The following YIF1A variants were observed in gnomAD, a reference collection of about 807,000 sequenced individuals.
YIF1A encodes protein YIF1A.
In YIF1A, 28 loss-of-function variants were observed where a neutral mutation model predicts 32.6. The ratio of observed to expected loss-of-function variants is 0.86; its 90% CI spans 0.64 to 1.18. The LOEUF (loss-of-function observed/expected upper bound fraction) is 1.18. YIF1A is among the 50% of genes most tolerant of loss of function. The pLI, the probability that YIF1A is intolerant of heterozygous loss-of-function variation, is 0.00. For missense variants in YIF1A, 373 were observed against 390.8 expected (o/e 0.95, Z 0.38); for synonymous variants, 175 against 162.2 (o/e 1.08, Z -0.60).
intron 4 of YIF1A, among the ~76,000 whole-genome samples, chr11:66,286,000 G>C (rs1235840509): frequency 6.6e-6 from 1 of 152,216 alleles, no homozygotes; most frequent in Admixed American, 6.5e-5. Flanking sequence ...CTGTCCCTGT[G>C]CTGGGAAGCT....
In YIF1A at chr11:66,288,952, C is replaced by T. The variant is rs1450741648; in HGVS notation, c.31+3G>A. 1 of 1,543,580 alleles carries T rather than the reference C, an allele frequency of 6.5e-7. No individual in the cohort carries two copies. Among genetic ancestry groups the T allele is most frequent in the Non-Finnish European group, 8.7e-7 (1 of 1,154,392 alleles). ...CGCCGCGCCCCGCCCGCGCCCCACG[C>T]ACCGTGGGCTCCGTAGCCCGAGTGA... On this transcript the variant is annotated splice_donor_region_variant and intron_variant, in intron 1 of 7. Transcript: ENST00000376901.
intron 1 of YIF1A, 94 bp downstream of exon 1, chr11:66,288,861 G>T: frequency 7.4e-7 from 1 of 1,353,412 alleles, no homozygotes; most frequent in Non-Finnish European, 9.6e-7. Context: ...GCCCTGGGCG[G>T]CGGTCCCAGT....
At position 66,288,169 on chromosome 11, in the gene YIF1A, T is replaced by C. The variant is rs201351072; in HGVS notation, c.155A>G (p.Asn52Ser). The C allele has an allele frequency of 5.5e-5, 88 of 1,614,132 alleles. No homozygotes were observed. Among genetic ancestry groups the C allele is most frequent in the African/African-American group, 9.3e-5 (7 of 75,060 alleles). ...ATGADVAFSV[N>S]HLLGDPMANV... ...GGCCATTGGGTCCCCAAGCAAGTGG[T>C]TGACACTGAAGGCCACGTCTGCTCC... The change falls in exon 2 of 8, where the codon AAC (asparagine) becomes AGC (serine). Residue 52 changes from asparagine to serine, a missense_variant. Coordinates refer to ENST00000376901, the MANE Select transcript of YIF1A (RefSeq NM_020470.3).
chr11:66,287,833 C>G lies in YIF1A; in HGVS notation c.327G>C (p.Leu109=), dbSNP rs148750279. ...TAYVAKKLGL[L]VFPYTHQNWE... Reference sequence around the variant, plus strand: ...TCACCTGGTGTGTGTAGGGGAAGACCAGCAGCCCTAGCTTCTTGGCCACGT... The same window carrying G: ...TCACCTGGTGTGTGTAGGGGAAGACGAGCAGCCCTAGCTTCTTGGCCACGT... Residue 109 remains leucine, a synonymous_variant, in exon 3 of 8, where the codon CTG becomes CTC. Coordinates refer to ENST00000376901, the MANE Select transcript of YIF1A (RefSeq NM_020470.3). 6.2e-7 allele frequency: 1 copy of G among 1,614,008 alleles called. No individual in the cohort carries two copies. The highest frequency in any genetic ancestry group is 1.3e-5 in the African/African-American group (1 of 75,010).
chr11:66,287,926 G>A lies in YIF1A; in HGVS notation c.244-10C>T. The A allele has an allele frequency of 6.2e-7, 1 of 1,612,350 alleles. No individual in the cohort carries two copies. The highest frequency in any genetic ancestry group is 8.5e-7 in the Non-Finnish European group (1 of 1,179,764). On this transcript the variant is annotated splice_polypyrimidine_tract_variant and intron_variant, in intron 2 of 7. Coordinates refer to ENST00000376901, the MANE Select transcript of YIF1A (RefSeq NM_020470.3). ...ACACAAAACGGTGCAGCTGGGAGGG[G>A]AGAGAGGAAGCTGTGGGCAAGCCGC...
intron 6 of YIF1A, 85 bp from the exon 7 acceptor site, chr11:66,285,051 T>C: frequency 7.3e-7 from 1 of 1,373,486 alleles, no homozygotes; most frequent in East Asian, 2.3e-5. Flanking sequence ...AGAGCCCAGC[T>C]AGACCCCACC....
chr11:66,288,369 G>A lies in YIF1A; in HGVS notation c.32-77C>T. 4.5e-6 allele frequency: 7 copies of A among 1,570,536 alleles called. No individual in the cohort carries two copies. The South Asian group carries it at 7.9e-5, about 18-fold the overall frequency. On this transcript the variant is annotated intron_variant, in intron 1 of 7. Coordinates refer to ENST00000376901, the MANE Select transcript of YIF1A (RefSeq NM_020470.3). ...CAAACCACCGCCCCTTCCCTGGCTGGACAGCCCTGCACGGGTCCTGGAGGC... is the reference window on the plus strand; with the variant it reads ...CAAACCACCGCCCCTTCCCTGGCTGAACAGCCCTGCACGGGTCCTGGAGGC...
In YIF1A at chr11:66,285,757, C is replaced by G; in HGVS notation, c.429G>C (p.Thr143=). 6.2e-7 allele frequency: 1 copy of G among 1,612,698 alleles called. No homozygotes were observed. The highest frequency in any genetic ancestry group is 8.5e-7 in the Non-Finnish European group (1 of 1,179,828). ...GGAGCACGTAAGTAATGAAGGCCATCGCTGCCAAGTGCCAGAGAGATGCCA... is the reference window on the plus strand; with the variant it reads ...GGAGCACGTAAGTAATGAAGGCCATGGCTGCCAAGTGCCAGAGAGATGCCA... ...DLNAPDLYIP[T]MAFITYVLLA... is the part of the protein sequence containing the mutation. The change falls in exon 5 of 8, where the codon ACG becomes ACC. Residue 143 remains threonine, a splice_region_variant and synonymous_variant. Coordinates refer to ENST00000376901, the MANE Select transcript of YIF1A (RefSeq NM_020470.3).
chr11:66,289,030 T>G lies in YIF1A; in HGVS notation c.-45A>C. On this transcript the variant is annotated 5_prime_UTR_variant, in exon 1 of 8. Transcript: ENST00000376901. ...CCCGAGGGCCCGCTGCGCCGCCTCG[T>G]GGGTACGAATACTAATGAGGCAGCT... 2 of 1,563,822 alleles carry G rather than the reference T, an allele frequency of 1.3e-6. No individual in the cohort carries two copies. The highest frequency in any genetic ancestry group is 1.7e-6 in the Non-Finnish European group (2 of 1,164,204).
intron 4 of YIF1A, 125 bp downstream of exon 4, chr11:66,287,473 A>G (rs751257406): frequency 1.5e-4 from 181 of 1,189,334 alleles, no homozygotes; most frequent in Non-Finnish European, 2.0e-4. Context: ...ACTGCCACAC[A>G]TACACAAAGC....
chr11:66,285,266 A>G lies in YIF1A; in HGVS notation c.641+115T>C, dbSNP rs917125910. On this transcript the variant is annotated intron_variant, in intron 6 of 7. Coordinates refer to ENST00000376901, the MANE Select transcript of YIF1A (RefSeq NM_020470.3). ...TGCTGGAGACAGCTGCTCCCTCTTA[A>G]CAGAGCAGTGCTAGAGGTCACTAGG... The G allele has an allele frequency of 3.5e-6, 5 of 1,446,126 alleles. No individual in the cohort carries two copies. In the African/African-American group the frequency reaches 5.7e-5, roughly 16 times the overall value. The allele number at this position is 1,446,126 out of a possible 1,614,324, so 89.6% of individuals were successfully genotyped here.
At chr11:66,285,223 C>G (rs530374667) in intron 6 of YIF1A, 158 bp downstream of exon 6, 1 of 1,176,976 alleles carries the variant, frequency 8.5e-7, no homozygotes, top group Non-Finnish European at 1.2e-6. Flanking sequence ...CTGCATGGCA[C>G]GCAGATCCTC....
chr11:66,285,663 A>T (rs1278915525), intron 5 of YIF1A, 38 bp downstream of exon 5: 1 of 1,611,648 alleles, frequency 6.2e-7, no homozygotes, highest in Non-Finnish European at 8.5e-7. Context: ...AGAAGAGCTC[A>T]CAGGGAGGGG....
At chr11:66,285,142 C>A in intron 6 of YIF1A, 176 bp from the exon 7 acceptor site, 1 of 873,708 alleles carries the variant, frequency 1.1e-6, no homozygotes, top group Non-Finnish European at 1.7e-6. Context: ...GGACTCAGCC[C>A]CAGGACCTGG....
At chr11:66,287,134 C>G (rs760623677) in intron 4 of YIF1A, 1 of 164,138 alleles carries the variant, frequency 6.1e-6, no homozygotes, top group Non-Finnish European at 1.3e-5. Flanking sequence ...GGAGGACAAG[C>G]AATAACGATG....
At chr11:66,287,728 AGAG>A (rs753351177) in intron 3 of YIF1A, 52 bp from the exon 4 acceptor site, 24 of 1,609,618 alleles carry the variant, frequency 1.5e-5, no homozygotes, top group African/African-American at 2.7e-5. Flanking sequence ...AGAAGAGAAA[AGAG>A]GAGAGAAGGG....
rs1857407821 is a variant in YIF1A, at chr11:66,288,865, T to C, written c.31+90A>G. The C allele has an allele frequency of 5.1e-6, 7 of 1,378,398 alleles. No individual in the cohort carries two copies. In the South Asian group the frequency reaches 9.3e-5, roughly 18 times the overall value. 85.4% of individuals were successfully genotyped at this position (1,378,398 alleles called of 1,614,324 possible). On this transcript the variant is annotated intron_variant, in intron 1 of 7. Transcript: ENST00000376901. ...GTGACACCCCCGCCCTGGGCGGCGG[T>C]CCCAGTCGCTATCTCCCTCGGGGTG...
chr11:66,286,481 G>T (rs1311203555), intron 4 of YIF1A, among the ~76,000 whole-genome samples: 4 of 152,196 alleles, frequency 2.6e-5, no homozygotes, highest in Non-Finnish European at 5.9e-5. Flanking sequence ...GCTGGGCCTG[G>T]TGGCAGGCGC....
intron 1 of YIF1A, among the ~76,000 whole-genome samples, chr11:66,288,737 G>C (rs1159950519): frequency 6.6e-6 from 1 of 152,242 alleles, no homozygotes; most frequent in Non-Finnish European, 1.5e-5. Flanking sequence ...TGGAGGAGGA[G>C]GCGGACCCCG....
Sources: gnomAD v4.1 joint callset for allele counts (sites outside exome capture counted in the v4.1 genomes callset) on GRCh38, gnomAD v4.1.1 for gene constraint, MANE v1.5 for transcripts, NCBI Gene and HGNC (gene_info 2026-07-23, HGNC 2026-07-21) for gene names.